Variants in UCHL3 observed in about 807,000 individuals in gnomAD.
UCHL3 encodes the protein ubiquitin carboxyl-terminal hydrolase isozyme L3.
In UCHL3, 22 loss-of-function variants were observed where a neutral mutation model predicts 35.8. That is an observed-to-expected ratio of 0.61 (90% CI 0.44 to 0.88). The LOEUF (loss-of-function observed/expected upper bound fraction) is 0.88. Among genes scored for constraint, UCHL3 ranks in the 40% least tolerant of loss-of-function variants. UCHL3 has a pLI of 0.00. For synonymous variants in UCHL3, 90 were observed against 92.8 expected (o/e 0.97, Z 0.17); for missense variants, 229 against 276.9 (o/e 0.83, Z 1.23).
At chr13:75,578,966 A>T (rs8192750) in intron 6 of UCHL3, among the ~76,000 whole-genome samples, 66,810 of 151,950 alleles carry the variant, frequency 0.44, 16,190 homozygotes, top group East Asian at 0.6. Context: ...AGTAAATAGT[A>T]TAAAGTTTCA....
chr13:75,549,647 G>A, upstream of UCHL3: 1 of 623,388 alleles, frequency 1.6e-6, no homozygotes, highest in South Asian at 2.3e-5. Context: ...TTGACCTACG[G>A]CCCTGCACGG....
At chr13:75,550,637 G>C (rs1189842185) in intron 2 of UCHL3, among the ~76,000 whole-genome samples, 1 of 152,004 alleles carries the variant, frequency 6.6e-6, no homozygotes, top group South Asian at 2.1e-4. Context: ...GGAGGGAGGA[G>C]GGAACATCTC....
intron 6 of UCHL3, chr13:75,590,229 T>C: frequency 8.3e-7 from 1 of 1,197,716 alleles, no homozygotes; most frequent in Non-Finnish European, 1.1e-6. Flanking sequence ...TTCTCTTGGT[T>C]CACTCAACCA....
intron 8 of UCHL3, 99 bp from the exon 9 acceptor site, chr13:75,605,630 G>A: frequency 8.5e-7 from 1 of 1,180,702 alleles, no homozygotes; most frequent in Non-Finnish European, 1.2e-6. Flanking sequence ...GAAGTTTGCA[G>A]TGTAAAATTA....
At position 75,578,235 on chromosome 13, in the gene UCHL3, T is replaced by A. The variant is rs973016270; in HGVS notation, c.474+8728T>A. ...TTGCTACTGTATACTATCATGTGAG[T>A]AAACCACAATTTATTTTTCATTTCC... On this transcript the variant is annotated intron_variant, in intron 6 of 8. Coordinates refer to ENST00000377595, the MANE Select transcript of UCHL3 (RefSeq NM_006002.5). Among the ~76,000 whole-genome samples, 21 of 121,470 alleles carry A rather than the reference T, an allele frequency of 1.7e-4. 1 individual carries two copies. The highest frequency in any genetic ancestry group is 1.7e-3 in the Admixed American group (21 of 12,300). The allele number at this position is 121,470 out of a possible 152,430, so 79.7% of individuals were successfully genotyped here. A position where few individuals can be genotyped will look rare whatever the true frequency, so the allele number is the denominator to read the frequency against.
intron 7 of UCHL3, among the ~76,000 whole-genome samples, chr13:75,596,251 TGC>T (rs2032643103): frequency 6.6e-6 from 1 of 152,224 alleles, no homozygotes; most frequent in Non-Finnish European, 1.5e-5. Context: ...TATAAAAATG[TGC>T]AACCCTGAGC....
chr13:75,569,820 A>T (rs1178870116), intron 6 of UCHL3, among the ~76,000 whole-genome samples: 1 of 152,184 alleles, frequency 6.6e-6, no homozygotes, highest in Non-Finnish European at 1.5e-5. Flanking sequence ...GTGAGGTCCA[A>T]CTATTTTGAG....
intron 6 of UCHL3, among the ~76,000 whole-genome samples, chr13:75,586,810 A>C (rs1417634144): frequency 6.6e-6 from 1 of 151,964 alleles, no homozygotes; most frequent in African/African-American, 2.4e-5. Flanking sequence ...AGAAATTAGA[A>C]AACATTTTGA....
intron 6 of UCHL3, among the ~76,000 whole-genome samples, chr13:75,584,251 A>C (rs932668219): frequency 2.0e-5 from 3 of 152,160 alleles, no homozygotes; most frequent in Non-Finnish European, 4.4e-5. Flanking sequence ...CCATTAGACT[A>C]GCAAGCACCA....
intron 7 of UCHL3, among the ~76,000 whole-genome samples, chr13:75,603,998 T>A (rs928019308): frequency 8.5e-5 from 13 of 152,126 alleles, no homozygotes; most frequent in African/African-American, 1.4e-4. Context: ...TTCATTTTTT[T>A]AAAAAAAATC....
chr13:75,574,675 T>C (rs1336432323), intron 6 of UCHL3, among the ~76,000 whole-genome samples: 1 of 152,172 alleles, frequency 6.6e-6, no homozygotes, highest in African/African-American at 2.4e-5. Context: ...TCAATAAATA[T>C]TAGGCGGTAA....
intron 2 of UCHL3, among the ~76,000 whole-genome samples, chr13:75,555,439 T>C (rs1021964666): frequency 3.0e-4 from 46 of 152,166 alleles, no homozygotes; most frequent in Non-Finnish European, 2.6e-4. Context: ...ATGAGAACGG[T>C]GCCAGGCTCA....
rs745490042 is a variant in UCHL3, at chr13:75,604,796, A to G, written c.578A>G (p.His193Arg). The change falls in exon 8 of 9, where the codon CAT becomes CGT. Residue 193 changes from histidine to arginine, a missense_variant. Coordinates refer to ENST00000377595, the MANE Select transcript of UCHL3 (RefSeq NM_006002.5). The stretch of plus-strand genomic sequence containing the variant: ...GGGCGGAAGCCATTTCCAATTAACC[A>G]TGGTGAAACTAGTGATGAAACTTTA... Reference protein sequence around the residue: ...LDGRKPFPINHGETSDETLLE... With the variant: ...LDGRKPFPINRGETSDETLLE... The G allele has an allele frequency of 1.2e-6, 2 of 1,600,420 alleles. No individual in the cohort carries two copies. The highest frequency in any genetic ancestry group is 4.6e-5 in the East Asian group (2 of 43,924).
chr13:75,563,775 G>A (rs770478654), intron 3 of UCHL3, among the ~76,000 whole-genome samples: 6 of 151,988 alleles, frequency 3.9e-5, no homozygotes, highest in Non-Finnish European at 7.4e-5. Flanking sequence ...TTCGTTCTCT[G>A]TGTATTTGAG....
intron 2 of UCHL3, among the ~76,000 whole-genome samples, chr13:75,556,096 A>G (rs1478752176): frequency 6.6e-6 from 1 of 152,160 alleles, no homozygotes; most frequent in Non-Finnish European, 1.5e-5. Context: ...CTGCTGAGTA[A>G]TCTATGTCGA....
intron 6 of UCHL3, among the ~76,000 whole-genome samples, chr13:75,569,867 T>C (rs1231038472): frequency 2.0e-5 from 3 of 152,256 alleles, no homozygotes; most frequent in African/African-American, 7.2e-5. Context: ...AAATAGCCTG[T>C]GTCTTTATTG....
intron 6 of UCHL3, among the ~76,000 whole-genome samples, chr13:75,589,758 T>C (rs571153859): frequency 6.6e-6 from 1 of 152,328 alleles, no homozygotes; most frequent in East Asian, 1.9e-4. Flanking sequence ...TACTTGGTTA[T>C]ATATTTCCAC....
intron 6 of UCHL3, among the ~76,000 whole-genome samples, chr13:75,581,826 C>G (rs2032196243): frequency 6.6e-6 from 1 of 151,860 alleles, no homozygotes; most frequent in African/African-American, 2.4e-5. Flanking sequence ...TGCATGCACA[C>G]TAACTGTGAA....
At chr13:75,603,151 G>T (rs2032824114) in intron 7 of UCHL3, among the ~76,000 whole-genome samples, 1 of 151,998 alleles carries the variant, frequency 6.6e-6, no homozygotes, top group East Asian at 1.9e-4. Context: ...CACTATACCT[G>T]GCTAATTTAT....
Sources: gnomAD v4.1 joint callset for allele counts (sites outside exome capture counted in the v4.1 genomes callset) on GRCh38, gnomAD v4.1.1 for gene constraint, MANE v1.5 for transcripts, NCBI Gene and HGNC (gene_info 2026-07-23, HGNC 2026-07-21) for gene names.